KDM4C: variants seen among roughly 807,000 people sequenced by gnomAD.
The protein encoded by KDM4C is lysine-specific demethylase 4C.
A neutral mutation model predicts 129.3 loss-of-function variants in KDM4C; 81 were observed. The ratio of observed to expected loss-of-function variants is 0.63; its 90% CI spans 0.52 to 0.75. The LOEUF is 0.75. KDM4C is among the 30% of genes least tolerant of loss of function. KDM4C has a pLI of 0.00. For synonymous variants in KDM4C, 573 were observed against 456.1 expected, an observed-to-expected ratio of 1.26 and a Z score of -3.26; for missense variants, 1,457 against 1,304.0, an observed-to-expected ratio of 1.12 and a Z score of -1.81.
chr9:6,961,000 T>C (rs1168571315), intron 8 of KDM4C, among the ~76,000 whole-genome samples: 2 of 152,198 alleles, frequency 1.3e-5, no homozygotes, highest in Non-Finnish European at 2.9e-5. Context: ...GGTTCAGTGA[T>C]GGAGAACAGC....
chr9:6,725,875 A>G (rs1024254120), intron 1 of KDM4C, among the ~76,000 whole-genome samples: 5 of 147,130 alleles, frequency 3.4e-5, no homozygotes, highest in Admixed American at 6.9e-5. Flanking sequence ...ACACCTAGCT[A>G]CTTTAAAAAA....
chr9:7,075,283 A>C (rs190150926), intron 17 of KDM4C, among the ~76,000 whole-genome samples: 55 of 152,258 alleles, frequency 3.6e-4, no homozygotes, highest in African/African-American at 1.3e-3. Flanking sequence ...TGTGTTTTGA[A>C]GTTCAACTGT....
In KDM4C at chr9:6,981,123, T is replaced by C; in HGVS notation, c.1115+5T>C. 6.2e-7 allele frequency: 1 copy of C among 1,609,460 alleles called. No individual in the cohort carries two copies. Among genetic ancestry groups the C allele is most frequent in the Non-Finnish European group, 8.5e-7 (1 of 1,177,854 alleles). Reference sequence around the variant, plus strand: ...AGTAAGAAAAGCATCCCGAAGGTAATGACCCCTCACCCCACTGACCTGCCT... The same window carrying C: ...AGTAAGAAAAGCATCCCGAAGGTAACGACCCCTCACCCCACTGACCTGCCT... On this transcript the variant is annotated splice_donor_5th_base_variant and intron_variant, in intron 9 of 21. Coordinates refer to ENST00000381309, the MANE Select transcript of KDM4C (RefSeq NM_015061.6).
intron 7 of KDM4C, among the ~76,000 whole-genome samples, chr9:6,889,422 C>A (rs1563765147): frequency 2.0e-5 from 3 of 152,148 alleles, no homozygotes; most frequent in Non-Finnish European, 2.9e-5. Flanking sequence ...CACGTTTTTA[C>A]CATGAAAAAA....
intron 8 of KDM4C, among the ~76,000 whole-genome samples, chr9:6,956,308 C>CCATGAT (rs1041005752): frequency 2.0e-5 from 3 of 152,058 alleles, no homozygotes; most frequent in South Asian, 2.1e-4. Context: ...ACTCCATTCC[C>CCATGAT]CATGATGTGC....
chr9:6,769,772 G>C (rs1029114694), intron 1 of KDM4C, among the ~76,000 whole-genome samples: 4 of 152,154 alleles, frequency 2.6e-5, no homozygotes, highest in African/African-American at 9.7e-5. Context: ...AGGGTCAATG[G>C]ACACATTTGT....
intron 17 of KDM4C, among the ~76,000 whole-genome samples, chr9:7,086,960 C>T (rs906278466): frequency 6.6e-6 from 1 of 152,172 alleles, no homozygotes; most frequent in Non-Finnish European, 1.5e-5. Context: ...CTGAGCTCAC[C>T]GTTGTACTCT....
chr9:6,922,183 A>G (rs1483887394), intron 8 of KDM4C, among the ~76,000 whole-genome samples: 1 of 152,166 alleles, frequency 6.6e-6, no homozygotes, highest in Non-Finnish European at 1.5e-5. Flanking sequence ...GTTTAGCCCA[A>G]TCTTAGCTGC....
intron 8 of KDM4C, among the ~76,000 whole-genome samples, chr9:6,965,156 A>AT (rs530722415): frequency 4.9e-4 from 75 of 152,048 alleles, no homozygotes; most frequent in Non-Finnish European, 9.1e-4. Context: ...TGAGAGAAAA[A>AT]TTATATGTAG....
rs138810977 is a variant in KDM4C, at chr9:6,965,407, A to G, written c.922-15518A>G. Among the ~76,000 whole-genome samples, 893 of 152,298 alleles carry G rather than the reference A, an allele frequency of 5.9e-3. 8 individuals carry two copies. The highest frequency in any genetic ancestry group is 0.02 in the African/African-American group (839 of 41,564). ...AGTGAGGACAGTAGTGCTAATTGAT[A>G]TTATGTGACATTTATCTCCAGAACA... On this transcript the variant is annotated intron_variant, in intron 8 of 21. Transcript: ENST00000381309.
intron 17 of KDM4C, among the ~76,000 whole-genome samples, chr9:7,060,043 T>G (rs1386208384): frequency 6.6e-6 from 1 of 152,140 alleles, no homozygotes; most frequent in Admixed American, 6.5e-5. Context: ...CCTCATAATA[T>G]AGTATCCTTT....
At chr9:6,971,002 C>T (rs574681639) in intron 8 of KDM4C, among the ~76,000 whole-genome samples, 4 of 152,276 alleles carry the variant, frequency 2.6e-5, no homozygotes, top group South Asian at 2.1e-4. Flanking sequence ...TGGATAGCTG[C>T]TGCAGCTTAT....
intron 17 of KDM4C, among the ~76,000 whole-genome samples, chr9:7,097,751 G>A (rs748954732): frequency 2.6e-5 from 4 of 152,156 alleles, no homozygotes; most frequent in Non-Finnish European, 5.9e-5. Flanking sequence ...TAAAGCTTTT[G>A]TTATAGCTGT....
chr9:7,052,013 G>A (rs912891798), intron 17 of KDM4C, among the ~76,000 whole-genome samples: 2 of 152,110 alleles, frequency 1.3e-5, no homozygotes, highest in Non-Finnish European at 2.9e-5. Flanking sequence ...AAGAATCCAC[G>A]GGTCTACAGC....
At chr9:7,029,813 T>G (rs556449010) in intron 15 of KDM4C, among the ~76,000 whole-genome samples, 50 of 152,330 alleles carry the variant, frequency 3.3e-4, no homozygotes, top group African/African-American at 1.2e-3. Flanking sequence ...AGTCACAGAA[T>G]GTAACATCCA....
chr9:6,752,487 T>C (rs984310335), intron 1 of KDM4C, among the ~76,000 whole-genome samples: 1 of 149,876 alleles, frequency 6.7e-6, no homozygotes, highest in Non-Finnish European at 1.5e-5. Flanking sequence ...CTCGGCTTAC[T>C]GCAATCTCCG....
At chr9:6,928,878 A>C (rs1671554087) in intron 8 of KDM4C, among the ~76,000 whole-genome samples, 1 of 152,202 alleles carries the variant, frequency 6.6e-6, no homozygotes. Flanking sequence ...AGGGAATCCC[A>C]GCTGCCGGCT....
chr9:6,852,188 C>G (rs1838972034), intron 5 of KDM4C, among the ~76,000 whole-genome samples: 1 of 152,058 alleles, frequency 6.6e-6, no homozygotes, highest in Non-Finnish European at 1.5e-5. Flanking sequence ...TAAACTTTGT[C>G]ATTATTAAAA....
At chr9:6,968,891 A>C (rs895434483) in intron 8 of KDM4C, among the ~76,000 whole-genome samples, 1 of 152,008 alleles carries the variant, frequency 6.6e-6, no homozygotes, top group Non-Finnish European at 1.5e-5. Context: ...TAAAATTTTT[A>C]TATTGGTTCT....
Sources: allele counts gnomAD v4.1 joint callset (sites outside exome capture counted in the v4.1 genomes callset), GRCh38; gene constraint gnomAD v4.1.1; transcripts MANE v1.5; gene names NCBI Gene and HGNC (gene_info 2026-07-23, HGNC 2026-07-21).